Variants in SMYD3 observed in about 807,000 individuals in gnomAD.
SMYD3 encodes the protein histone-lysine N-methyltransferase SMYD3.
SMYD3 carries 36 observed loss-of-function variants against 57.7 expected under a neutral mutation model. That is an observed-to-expected ratio of 0.62 (90% confidence interval 0.48 to 0.82). The LOEUF is 0.82. Ranked by LOEUF, SMYD3 falls within the 40% of genes least tolerant of loss-of-function variation. SMYD3 has a pLI of 0.00. For missense variants in SMYD3, 515 were observed against 538.8 expected (o/e 0.96, Z 0.44); for synonymous variants, 211 against 195.0 (o/e 1.08, Z -0.68).
chr1:245,935,013 C>A (rs1037495343), intron 5 of SMYD3, among the ~76,000 whole-genome samples: 1 of 152,138 alleles, frequency 6.6e-6, no homozygotes, highest in Non-Finnish European at 1.5e-5. Context: ...TGATTAAAGA[C>A]AGAAGCAAGT....
At chr1:246,090,854 ACTC>A (rs1201971189) in intron 5 of SMYD3, among the ~76,000 whole-genome samples, 2 of 151,614 alleles carry the variant, frequency 1.3e-5, no homozygotes, top group African/African-American at 4.8e-5. Flanking sequence ...CCGCTTCTAA[ACTC>A]CTCTTGTGTG....
chr1:245,775,721 A>AT (rs1166896411), intron 10 of SMYD3, among the ~76,000 whole-genome samples: 443 of 136,150 alleles, frequency 3.3e-3, no homozygotes, highest in Non-Finnish European at 4.2e-3. Context: ...ATACTAAAAA[A>AT]AAAAAAAAAT....
At chr1:246,462,302 G>A (rs1012266797) in intron 1 of SMYD3, among the ~76,000 whole-genome samples, 1 of 138,922 alleles carries the variant, frequency 7.2e-6, no homozygotes, top group East Asian at 2.1e-4. Context: ...CTCTCGCGGG[G>A]CCTGCTGGGT....
chr1:246,313,985 C>T (rs900087053), intron 5 of SMYD3, among the ~76,000 whole-genome samples: 9 of 152,114 alleles, frequency 5.9e-5, no homozygotes, highest in African/African-American at 1.9e-4. Flanking sequence ...TCAAAAGGTA[C>T]CTTAACTCCA....
At chr1:245,878,373 C>T (rs889151135) in intron 8 of SMYD3, among the ~76,000 whole-genome samples, 10 of 152,102 alleles carry the variant, frequency 6.6e-5, no homozygotes, top group South Asian at 2.1e-4. Flanking sequence ...GCAAGGGGGG[C>T]GAGGTCCACG....
At chr1:245,864,336 T>C (rs529506180) in intron 8 of SMYD3, among the ~76,000 whole-genome samples, 13 of 152,320 alleles carry the variant, frequency 8.5e-5, no homozygotes, top group Non-Finnish European at 1.6e-4. Context: ...TTGTTCATAA[T>C]AGCCAAAAAA....
At position 245,784,843 on chromosome 1, in the gene SMYD3, AT is replaced by A. The variant is rs74163079; in HGVS notation, c.1077-20695del. Among the ~76,000 whole-genome samples the A allele has an allele frequency of 9.9e-3, 1,144 of 115,684 alleles. 18 individuals are homozygous for A. Among genetic ancestry groups the A allele is most frequent in the African/African-American group, 0.03 (835 of 27,672 alleles). The allele number at this position is 115,684 out of a possible 152,430, so 75.9% of individuals were successfully genotyped here. A position where few individuals can be genotyped will look rare whatever the true frequency, so the allele number is the denominator to read the frequency against. ...TTCAAGGGGAGGGAATTTAGACTGA[AT>A]TTTTTTTTTTTTTTTTTTTTTTGAG... On this transcript the variant is annotated intron_variant, in intron 10 of 11. Coordinates refer to ENST00000490107, the MANE Select transcript of SMYD3 (RefSeq NM_001167740.2).
In SMYD3 at chr1:245,816,025, C is replaced by T. The variant is rs1187630761; in HGVS notation, c.1076+42471G>A. Among the ~76,000 whole-genome samples, 7 of 152,144 alleles carry T rather than the reference C, an allele frequency of 4.6e-5. 1 individual carries two copies. Among genetic ancestry groups the T allele is most frequent in the Admixed American group, 4.6e-4 (7 of 15,278 alleles). On this transcript the variant is annotated intron_variant, in intron 10 of 11. Transcript: ENST00000490107. ...GCCATTCTTTCAAAAGAACAGTGCA[C>T]CTCTGTGACCGAATATGGGCCACAG...
At chr1:245,867,680 ACACACACACT>A (rs779625348) in intron 8 of SMYD3, among the ~76,000 whole-genome samples, 30 of 152,012 alleles carry the variant, frequency 2.0e-4, no homozygotes, top group Non-Finnish European at 3.8e-4. Flanking sequence ...ACACACACAC[ACACACACACT>A]CACACACACA....
intron 5 of SMYD3, among the ~76,000 whole-genome samples, chr1:246,227,222 AG>A (rs1397049339): frequency 1.3e-5 from 2 of 152,204 alleles, no homozygotes; most frequent in Non-Finnish European, 2.9e-5. Flanking sequence ...TTCTTCTACT[AG>A]AAAACTAAGT....
chr1:246,451,249 C>T (rs925785479), intron 1 of SMYD3, among the ~76,000 whole-genome samples: 5 of 152,202 alleles, frequency 3.3e-5, no homozygotes, highest in African/African-American at 9.7e-5. Flanking sequence ...TCGGGAAAGA[C>T]ATTCAGCCAT....
At chr1:245,854,996 C>T (rs985591861) in intron 10 of SMYD3, among the ~76,000 whole-genome samples, 3 of 152,156 alleles carry the variant, frequency 2.0e-5, no homozygotes, top group Non-Finnish European at 4.4e-5. Flanking sequence ...ATATTCAGAC[C>T]GGCCACTCTC....
intron 5 of SMYD3, among the ~76,000 whole-genome samples, chr1:245,942,095 A>G (rs1351250700): frequency 6.6e-6 from 1 of 152,258 alleles, no homozygotes; most frequent in African/African-American, 2.4e-5. Context: ...ACCAGCTAGC[A>G]TCATGATGAC....
At chr1:246,232,419 C>T (rs1405750732) in intron 5 of SMYD3, among the ~76,000 whole-genome samples, 1 of 152,212 alleles carries the variant, frequency 6.6e-6, no homozygotes, top group Non-Finnish European at 1.5e-5. Flanking sequence ...GAACATATAC[C>T]ACACAGAGGA....
At chr1:246,448,870 T>C (rs2067591203) in intron 1 of SMYD3, among the ~76,000 whole-genome samples, 1 of 152,146 alleles carries the variant, frequency 6.6e-6, no homozygotes, top group African/African-American at 2.4e-5. Context: ...TTGGCTCACC[T>C]ACAGCTTCCC....
At chr1:246,334,988 T>G (rs1232375344) in intron 3 of SMYD3, among the ~76,000 whole-genome samples, 2 of 152,160 alleles carry the variant, frequency 1.3e-5, no homozygotes, top group East Asian at 3.9e-4. Context: ...TTTAAGAAAT[T>G]GCCACAGCCA....
intron 5 of SMYD3, among the ~76,000 whole-genome samples, chr1:246,098,719 A>G (rs2060958014): frequency 1.3e-5 from 2 of 152,184 alleles, no homozygotes; most frequent in Non-Finnish European, 2.9e-5. Context: ...CCCTTGTCCT[A>G]TTAAAATGGT....
chr1:246,248,723 G>C (rs2063751043), intron 5 of SMYD3, among the ~76,000 whole-genome samples: 1 of 141,262 alleles, frequency 7.1e-6, no homozygotes, highest in Non-Finnish European at 1.5e-5. Flanking sequence ...CTCACTGCAA[G>C]CTCTGTCTCC....
chr1:246,402,844 C>A (rs963848812), intron 1 of SMYD3, among the ~76,000 whole-genome samples: 10 of 152,216 alleles, frequency 6.6e-5, no homozygotes, highest in African/African-American at 2.4e-4. Flanking sequence ...TTCAGCTGCA[C>A]AATCACTTGG....
Sources: gnomAD v4.1 joint callset for allele counts (sites outside exome capture counted in the v4.1 genomes callset) on GRCh38, gnomAD v4.1.1 for gene constraint, MANE v1.5 for transcripts, NCBI Gene and HGNC (gene_info 2026-07-23, HGNC 2026-07-21) for gene names.